The following NLK variants were observed in gnomAD, a reference collection of about 807,000 sequenced individuals.
NLK encodes the protein serine/threonine-protein kinase NLK.
In NLK, 11 loss-of-function variants were observed where a neutral mutation model predicts 59.0. The observed-to-expected ratio is 0.19, with a 90% CI of 0.12 to 0.31. The LOEUF is 0.31. Ranked by LOEUF, NLK falls within the 10% of genes least tolerant of loss-of-function variation. NLK has a pLI of 1.00. For synonymous variants in NLK, 235 were observed against 235.9 expected (o/e 1.00, Z 0.03); for missense variants, 410 against 661.1 (o/e 0.62, Z 4.16).
chr17:28,203,693 C>A, the NLK span, among the ~76,000 whole-genome samples: 1 of 152,156 alleles, frequency 6.6e-6, no homozygotes, highest in Non-Finnish European at 1.5e-5. Context: ...CCTGCCACCA[C>A]GCCTGGCTAA....
intron 1 of NLK, among the ~76,000 whole-genome samples, chr17:28,090,867 CT>C (rs1390670805): frequency 6.6e-6 from 1 of 151,972 alleles, no homozygotes; most frequent in South Asian, 2.1e-4. Flanking sequence ...TGTAATATGT[CT>C]TTTTTTCCTC....
At chr17:28,117,004 A>G (rs1182451807) in intron 1 of NLK, among the ~76,000 whole-genome samples, 1 of 152,112 alleles carries the variant, frequency 6.6e-6, no homozygotes, top group Non-Finnish European at 1.5e-5. Context: ...TCCCCATGCA[A>G]TATTCATAGG....
rs113655163 is a variant in NLK, at chr17:28,060,667, G to T, written c.458+17336G>T. ...TGGGCACATAGAAGAAATACAAATT[G>T]TTAAAAAACATTAAAGGATTTCACT... On this transcript the variant is annotated intron_variant, in intron 1 of 10. Transcript: ENST00000407008. Among the ~76,000 whole-genome samples the T allele has an allele frequency of 6.5e-3, 996 of 152,266 alleles. 17 individuals carry two copies. Among genetic ancestry groups the T allele is most frequent in the African/African-American group, 0.022 (930 of 41,544 alleles).
intron 1 of NLK, among the ~76,000 whole-genome samples, chr17:28,101,696 A>G (rs1904907495): frequency 6.6e-6 from 1 of 152,082 alleles, no homozygotes; most frequent in Non-Finnish European, 1.5e-5. Flanking sequence ...GTTTCTTAGG[A>G]TTTACTGCAT....
intron 3 of NLK, among the ~76,000 whole-genome samples, chr17:28,133,626 C>T (rs1215004291): frequency 1.3e-5 from 2 of 152,148 alleles, no homozygotes; most frequent in African/African-American, 4.8e-5. Flanking sequence ...GGCAAAGTGT[C>T]ACCAGTTTCC....
chr17:28,182,943 G>C (rs1238787186), intron 7 of NLK, among the ~76,000 whole-genome samples: 5 of 152,196 alleles, frequency 3.3e-5, no homozygotes, highest in African/African-American at 1.2e-4. Context: ...TAGTGAAGCA[G>C]GCTGGGCATT....
chr17:28,057,271 G>A (rs951728557), intron 1 of NLK, among the ~76,000 whole-genome samples: 4 of 152,038 alleles, frequency 2.6e-5, no homozygotes, highest in African/African-American at 7.2e-5. Flanking sequence ...CCTACTTTGA[G>A]GCTATTTCTA....
intron 1 of NLK, among the ~76,000 whole-genome samples, chr17:28,119,132 AGCCTTT>A (rs1434498059): frequency 6.6e-6 from 1 of 152,214 alleles, no homozygotes; most frequent in Non-Finnish European, 1.5e-5. Context: ...AAGCGCCTCA[AGCCTTT>A]GAGTAACAAA....
chr17:28,091,685 A>G (rs1904500245), intron 1 of NLK, among the ~76,000 whole-genome samples: 1 of 152,146 alleles, frequency 6.6e-6, no homozygotes, highest in South Asian at 2.1e-4. Context: ...TTTCCATAGT[A>G]ATCTCTAAAA....
chr17:28,123,617 T>C (rs1906166088), intron 2 of NLK, among the ~76,000 whole-genome samples: 1 of 152,210 alleles, frequency 6.6e-6, no homozygotes, highest in Non-Finnish European at 1.5e-5. Context: ...TTTATCTCAA[T>C]ATTTTAAATC....
At chr17:28,096,707 C>T (rs1167913353) in intron 1 of NLK, among the ~76,000 whole-genome samples, 1 of 152,158 alleles carries the variant, frequency 6.6e-6, no homozygotes, top group African/African-American at 2.4e-5. Context: ...TATTTCCAAA[C>T]AGCAGAGAGA....
chr17:28,202,734 G>A, the NLK span, among the ~76,000 whole-genome samples: 2 of 147,408 alleles, frequency 1.4e-5, no homozygotes, highest in Non-Finnish European at 3.0e-5. Context: ...CCAGGCTAGA[G>A]TGCAATGGTG....
chr17:28,196,612 G>A (rs1261883854), downstream of NLK, among the ~76,000 whole-genome samples: 8 of 152,198 alleles, frequency 5.3e-5, no homozygotes, highest in Non-Finnish European at 1.2e-4. Flanking sequence ...CAATAGAGAA[G>A]TCTTTTTAGA....
At chr17:28,139,388 T>C (rs960369806) in intron 3 of NLK, among the ~76,000 whole-genome samples, 12 of 152,242 alleles carry the variant, frequency 7.9e-5, no homozygotes, top group Non-Finnish European at 1.5e-4. Flanking sequence ...AACTTTCACT[T>C]ACCCACTATC....
chr17:28,194,433 T>G (rs1909414274), intron 10 of NLK, 149 bp from the exon 11 acceptor site: 4 of 593,024 alleles, frequency 6.7e-6, no homozygotes, highest in Non-Finnish European at 1.2e-5. Context: ...AACAAGCAAC[T>G]TAGAATAAAT....
chr17:28,130,059 G>A (rs1442325157), intron 2 of NLK, among the ~76,000 whole-genome samples: 1 of 152,132 alleles, frequency 6.6e-6, no homozygotes, highest in Non-Finnish European at 1.5e-5. Flanking sequence ...AAGTCTGCTT[G>A]TATTTTTTTG....
intron 3 of NLK, among the ~76,000 whole-genome samples, chr17:28,137,097 G>A (rs1235227130): frequency 6.6e-6 from 1 of 151,934 alleles, no homozygotes; most frequent in Non-Finnish European, 1.5e-5. Flanking sequence ...ATCTATGTCA[G>A]CAGCTCCCTC....
In NLK at chr17:28,111,026, A is replaced by C. The variant is rs146381928; in HGVS notation, c.459-11577A>C. On this transcript the variant is annotated intron_variant, in intron 1 of 10. Transcript: ENST00000407008. The stretch of plus-strand genomic sequence containing the variant: ...CGCCCGGCTAATTTTTTGTATTTTT[A>C]GTAGAGACGGGGTTTCACCGTTTTA... Among the ~76,000 whole-genome samples the C allele has an allele frequency of 3.1e-3, 473 of 151,020 alleles. 2 individuals are homozygous for C. The highest frequency in any genetic ancestry group is 0.011 in the African/African-American group (451 of 41,160).
intron 1 of NLK, among the ~76,000 whole-genome samples, chr17:28,078,860 T>G (rs1910254309): frequency 1.3e-5 from 2 of 152,192 alleles, no homozygotes; most frequent in African/African-American, 4.8e-5. Flanking sequence ...GCCTCCCTTC[T>G]CAGATTTATT....
Sources: gnomAD v4.1 joint callset for allele counts (sites outside exome capture counted in the v4.1 genomes callset) on GRCh38, gnomAD v4.1.1 for gene constraint, MANE v1.5 for transcripts, NCBI Gene and HGNC (gene_info 2026-07-23, HGNC 2026-07-21) for gene names.